The following PLPPR1 variants were observed in gnomAD, a reference collection of about 807,000 sequenced individuals.
PLPPR1 encodes the protein phospholipid phosphatase related 1, also known as phospholipid phosphatase-related protein type 1.
PLPPR1 carries 10 observed loss-of-function variants against 33.1 expected under a neutral mutation model. That is an observed-to-expected ratio of 0.30 (90% CI 0.19 to 0.51). The LOEUF is 0.51. PLPPR1 is among the 20% of genes least tolerant of loss of function. PLPPR1 has a pLI of 0.97. For missense variants in PLPPR1, 304 were observed against 408.1 expected, an observed-to-expected ratio of 0.74 and a Z score of 2.20; for synonymous variants, 151 against 151.0, an observed-to-expected ratio of 1.00 and a Z score of 0.00.
chr9:101,243,328 T>C (rs1181459972), intron 2 of PLPPR1, among the ~76,000 whole-genome samples: 1 of 151,982 alleles, frequency 6.6e-6, no homozygotes, highest in African/African-American at 2.4e-5. Flanking sequence ...AAATGGACTC[T>C]TCTGGACCAG....
chr9:101,185,697 A>G (rs987215491), intron 2 of PLPPR1, 140 bp downstream of exon 2: 1 of 579,576 alleles, frequency 1.7e-6, no homozygotes, highest in Admixed American at 3.4e-5. Context: ...AAAGATTAAT[A>G]AACTATGCAA....
intron 1 of PLPPR1, among the ~76,000 whole-genome samples, chr9:101,061,554 G>C (rs1830347581): frequency 6.6e-6 from 1 of 151,860 alleles, no homozygotes; most frequent in African/African-American, 2.4e-5. Flanking sequence ...TTCTGGATTT[G>C]CCATCACTTT....
intron 7 of PLPPR1, among the ~76,000 whole-genome samples, chr9:101,322,767 TTTCTC>T (rs879386745): frequency 1.2e-4 from 18 of 152,292 alleles, no homozygotes; most frequent in East Asian, 3.9e-4. Context: ...TTGTAATACT[TTTCTC>T]TTATTAATAA....
intron 1 of PLPPR1, among the ~76,000 whole-genome samples, chr9:101,036,696 T>C (rs1415713555): frequency 9.8e-6 from 1 of 101,992 alleles, no homozygotes; most frequent in Admixed American, 1.0e-4. Flanking sequence ...CTTGGCTATT[T>C]CTGCCAAAAA....
intron 1 of PLPPR1, among the ~76,000 whole-genome samples, chr9:101,115,377 A>G (rs950739049): frequency 6.6e-6 from 1 of 152,196 alleles, no homozygotes; most frequent in African/African-American, 2.4e-5. Flanking sequence ...ACTGATTTCA[A>G]TATGCAAGTA....
intron 2 of PLPPR1, among the ~76,000 whole-genome samples, chr9:101,244,659 G>T (rs1224250363): frequency 6.6e-6 from 1 of 151,814 alleles, no homozygotes; most frequent in Non-Finnish European, 1.5e-5. Flanking sequence ...TCTATAATTT[G>T]GAGATAATCT....
chr9:101,177,017 C>CTGT (rs1305873246), intron 1 of PLPPR1, among the ~76,000 whole-genome samples: 1 of 152,176 alleles, frequency 6.6e-6, no homozygotes, highest in African/African-American at 2.4e-5. Flanking sequence ...GTTTTAATTA[C>CTGT]TGTAACTTTG....
At chr9:101,078,359 C>A (rs998724798) in intron 1 of PLPPR1, among the ~76,000 whole-genome samples, 1 of 151,498 alleles carries the variant, frequency 6.6e-6, no homozygotes, top group African/African-American at 2.4e-5. Context: ...GGACAGACAA[C>A]GATATTTAAA....
At chr9:101,162,275 G>A (rs1319848063) in intron 1 of PLPPR1, among the ~76,000 whole-genome samples, 1 of 152,122 alleles carries the variant, frequency 6.6e-6, no homozygotes. Flanking sequence ...CACAGCCTGA[G>A]AGTGCTTTGT....
At chr9:101,131,156 G>A (rs920105446) in intron 1 of PLPPR1, among the ~76,000 whole-genome samples, 28 of 152,146 alleles carry the variant, frequency 1.8e-4, no homozygotes, top group African/African-American at 5.3e-4. Flanking sequence ...TGACCTTGAC[G>A]GCATTTTAAA....
At chr9:101,100,694 TTCCG>T in intron 1 of PLPPR1, among the ~76,000 whole-genome samples, 1 of 118,030 alleles carries the variant, frequency 8.5e-6, no homozygotes, top group East Asian at 2.7e-4. Context: ...TTACTCTTTG[TTCCG>T]TGTGTGTGTG....
intron 3 of PLPPR1, among the ~76,000 whole-genome samples, chr9:101,273,344 T>A (rs1828132342): frequency 6.6e-6 from 1 of 152,230 alleles, no homozygotes; most frequent in Admixed American, 6.5e-5. Context: ...ACTTGGCATA[T>A]CTATTGTGGA....
At chr9:101,083,254 G>T (rs1830641753) in intron 1 of PLPPR1, among the ~76,000 whole-genome samples, 1 of 151,790 alleles carries the variant, frequency 6.6e-6, no homozygotes, top group Non-Finnish European at 1.5e-5. Context: ...CGGCTCTGGG[G>T]TTCGAACGAT....
At chr9:101,255,463 T>G (rs901836261) in intron 2 of PLPPR1, among the ~76,000 whole-genome samples, 1 of 152,174 alleles carries the variant, frequency 6.6e-6, no homozygotes, top group Non-Finnish European at 1.5e-5. Context: ...TTTATATATA[T>G]GATGTTAACT....
At position 101,269,192 on chromosome 9, in the gene PLPPR1, CT is replaced by C. The variant is rs569422356; in HGVS notation, c.64-677del. 1.6e-3 allele frequency among the ~76,000 whole-genome samples: 227 copies of C among 145,578 alleles called. 1 individual carries two copies. Among genetic ancestry groups the C allele is most frequent in the Middle Eastern group, 3.5e-3 (1 of 282 alleles). Reference sequence around the variant, plus strand: ...AGTCAAAACAAAAGGATAACTGTGTCTTTTTTTTTTTATGTCTGTCTAAATC... The same window carrying C: ...AGTCAAAACAAAAGGATAACTGTGTCTTTTTTTTTTATGTCTGTCTAAATC... On this transcript the variant is annotated intron_variant, in intron 2 of 7. Transcript: ENST00000374874.
intron 1 of PLPPR1, among the ~76,000 whole-genome samples, chr9:101,122,311 G>A (rs549972058): frequency 9.9e-5 from 15 of 151,892 alleles, no homozygotes; most frequent in Non-Finnish European, 1.6e-4. Context: ...TTTTTCCTTC[G>A]TTTTACAAAT....
chr9:101,228,030 T>C (rs1564184093), intron 2 of PLPPR1, among the ~76,000 whole-genome samples: 1 of 152,122 alleles, frequency 6.6e-6, no homozygotes, highest in Admixed American at 6.6e-5. Flanking sequence ...CCACCCACCT[T>C]GGCCTCCCAA....
chr9:101,158,491 C>T (rs1042280923), intron 1 of PLPPR1, among the ~76,000 whole-genome samples: 1 of 151,950 alleles, frequency 6.6e-6, no homozygotes, highest in Non-Finnish European at 1.5e-5. Flanking sequence ...TTTGGTAAGC[C>T]GAGGAAATAT....
intron 4 of PLPPR1, among the ~76,000 whole-genome samples, chr9:101,292,906 A>G (rs11506965): frequency 0.025 from 3,818 of 151,760 alleles, 157 homozygotes; most frequent in African/African-American, 0.088. Context: ...CTAACGAGCA[A>G]AATAACCAGC....
Sources: allele counts gnomAD v4.1 joint callset (sites outside exome capture counted in the v4.1 genomes callset), GRCh38; gene constraint gnomAD v4.1.1; transcripts MANE v1.5; gene names NCBI Gene and HGNC (gene_info 2026-07-23, HGNC 2026-07-21).